Variants in PIWIL4 observed in about 807,000 individuals in gnomAD.
PIWIL4 encodes piwi like RNA-mediated gene silencing 4, also known as piwi-like protein 4.
PIWIL4 carries 50 observed loss-of-function variants against 100.9 expected under a neutral mutation model. That is an observed-to-expected ratio of 0.50 (90% CI 0.39 to 0.63). The LOEUF (loss-of-function observed/expected upper bound fraction) is 0.63, where lower values mean the gene tolerates loss of function less well. Ranked by LOEUF, PIWIL4 falls within the 20% of genes least tolerant of loss-of-function variation. The pLI, the probability that PIWIL4 is intolerant of heterozygous loss-of-function variation, is 0.00. For synonymous variants in PIWIL4, 342 were observed against 367.5 expected, an observed-to-expected ratio of 0.93 and a Z score of 0.79; for missense variants, 887 against 1,043.3, an observed-to-expected ratio of 0.85 and a Z score of 2.06.
chr11:94,590,326 C>T (rs1948466685), intron 8 of PIWIL4, among the ~76,000 whole-genome samples: 1 of 152,186 alleles, frequency 6.6e-6, no homozygotes, highest in Non-Finnish European at 1.5e-5. Flanking sequence ...CCGGCTGGAA[C>T]TGATCTCTTC....
At chr11:94,617,835 G>A (rs1230257104) in intron 16 of PIWIL4, 119 bp from the exon 17 acceptor site, 1 of 1,019,712 alleles carries the variant, frequency 9.8e-7, no homozygotes, top group South Asian at 1.4e-5. Context: ...ATTATGTATT[G>A]CCCTATTTTA....
chr11:94,597,659 C>T (rs2135276515), intron 10 of PIWIL4, 145 bp from the exon 11 acceptor site: 3 of 588,776 alleles, frequency 5.1e-6, no homozygotes, highest in East Asian at 2.9e-5. Context: ...GCACAGTTGT[C>T]CCGTAATTCT....
chr11:94,601,144 T>C (rs1290312771), intron 11 of PIWIL4, among the ~76,000 whole-genome samples: 1 of 151,680 alleles, frequency 6.6e-6, no homozygotes, highest in Non-Finnish European at 1.5e-5. Flanking sequence ...AGGTATTGAT[T>C]GAGGAAGTGA....
intron 8 of PIWIL4, among the ~76,000 whole-genome samples, chr11:94,589,861 G>A (rs989973490): frequency 6.6e-6 from 1 of 152,030 alleles, no homozygotes; most frequent in African/African-American, 2.4e-5. Flanking sequence ...ATTGAGCTCT[G>A]GGGAGGGGGC....
At position 94,596,635 on chromosome 11, in the gene PIWIL4, G is replaced by A. The variant is rs1948562552; in HGVS notation, c.1269-1169G>A. ...ATACTTTACGTCATTTACCCTGGAC[G>A]TCCCTCAGACTTATGCCGAATTGAG... On this transcript the variant is annotated intron_variant, in intron 10 of 19. Transcript: ENST00000299001. 2.0e-5 allele frequency among the ~76,000 whole-genome samples: 3 copies of A among 151,976 alleles called. 1 individual carries two copies. The highest frequency in any genetic ancestry group is 4.4e-5 in the Non-Finnish European group (3 of 68,028).
chr11:94,586,646 C>T (rs1435473145), intron 6 of PIWIL4, among the ~76,000 whole-genome samples: 5 of 150,904 alleles, frequency 3.3e-5, no homozygotes, highest in Non-Finnish European at 7.4e-5. Flanking sequence ...AGGGACATTT[C>T]CCCCCCCTCT....
intron 11 of PIWIL4, among the ~76,000 whole-genome samples, chr11:94,600,935 C>T (rs926417807): frequency 6.6e-6 from 1 of 151,776 alleles, no homozygotes; most frequent in Non-Finnish European, 1.5e-5. Context: ...TTAAGATTAT[C>T]TCTCTTTTTC....
At chr11:94,582,717 A>T (rs1948338975) in intron 4 of PIWIL4, among the ~76,000 whole-genome samples, 2 of 152,220 alleles carry the variant, frequency 1.3e-5, no homozygotes, top group African/African-American at 4.8e-5. Context: ...TTATATTGCT[A>T]GAACATTGTT....
At chr11:94,567,670 G>T in intron 1 of PIWIL4, 65 bp downstream of exon 1, 1 of 1,453,960 alleles carries the variant, frequency 6.9e-7, no homozygotes. Flanking sequence ...CCTGAACAAT[G>T]CCTTCCTCTG....
intron 17 of PIWIL4, among the ~76,000 whole-genome samples, chr11:94,619,508 G>T (rs1410687840): frequency 3.3e-5 from 5 of 152,092 alleles, no homozygotes; most frequent in African/African-American, 1.2e-4. Flanking sequence ...ATTCCTTCCT[G>T]CCCCCTTTGA....
chr11:94,617,877 A>T (rs763992873), intron 16 of PIWIL4, 77 bp from the exon 17 acceptor site: 283 of 1,492,954 alleles, frequency 1.9e-4, no homozygotes, highest in Non-Finnish European at 2.6e-4. Flanking sequence ...CCATTTAAAC[A>T]CTGCAATATA....
intron 15 of PIWIL4, 98 bp from the exon 16 acceptor site, chr11:94,616,395 T>A: frequency 9.2e-7 from 1 of 1,090,960 alleles, no homozygotes; most frequent in Non-Finnish European, 1.3e-6. Context: ...AACATTGATT[T>A]TTACTCATAA....
In PIWIL4 at chr11:94,593,639, C is replaced by T. The variant is rs1948516439; in HGVS notation, c.1148C>T (p.Thr383Ile). The T allele has an allele frequency of 6.2e-7, 1 of 1,613,688 alleles. No homozygotes were observed. The highest frequency in any genetic ancestry group is 1.3e-5 in the African/African-American group (1 of 75,034). The change falls in exon 9 of 20, where the codon ACA becomes ATA. Residue 383 changes from threonine to isoleucine, a missense_variant and splice_region_variant. This residue lies in a region of PIWIL4 where 741 missense variants were observed against 930.0 expected (regional missense o/e 0.80). Transcript: ENST00000299001. ...AHLIPELCFL[T>I]GLTDQATSDF... ...CTGATACCTGAGCTCTGCTTTCTAA[C>T]AGGTAATGTTTGTGTTTTATACCTC...
chr11:94,569,070 A>C (rs2135229684), intron 2 of PIWIL4, among the ~76,000 whole-genome samples: 1 of 152,336 alleles, frequency 6.6e-6, no homozygotes, highest in Middle Eastern at 3.4e-3. Flanking sequence ...ATTTTGAAAA[A>C]ATGCTTTAAA....
intron 5 of PIWIL4, among the ~76,000 whole-genome samples, chr11:94,585,058 T>C (rs1412087755): frequency 6.6e-6 from 1 of 151,862 alleles, no homozygotes. Context: ...AGAGCGAAAC[T>C]CCATTTCAAA....
At chr11:94,598,325 CT>C (rs1379752083) in intron 11 of PIWIL4, among the ~76,000 whole-genome samples, 1 of 152,154 alleles carries the variant, frequency 6.6e-6, no homozygotes, top group Non-Finnish European at 1.5e-5. Context: ...TTTGCAATGA[CT>C]TTTAGTTGCC....
Position 94,619,897 on chromosome 11 carries a change from T to C in PIWIL4, c.2294+12T>C. On this transcript the variant is annotated intron_variant, in intron 18 of 19. Transcript: ENST00000299001. Reference sequence around the variant, plus strand: ...ACACGTAACGAATGGCAAGTGCCGCTGGAAAATCAATTTTTAACAAAACAT... The same window carrying C: ...ACACGTAACGAATGGCAAGTGCCGCCGGAAAATCAATTTTTAACAAAACAT... 6.2e-7 allele frequency: 1 copy of C among 1,614,196 alleles called. No homozygotes were observed. Among genetic ancestry groups the C allele is most frequent in the Non-Finnish European group, 8.5e-7 (1 of 1,180,034 alleles).
rs117702118 is a variant in PIWIL4, at chr11:94,584,741, G to A, written c.636-704G>A. 6.4e-3 allele frequency among the ~76,000 whole-genome samples: 971 copies of A among 152,274 alleles called. 6 individuals are homozygous for A. Among genetic ancestry groups the A allele is most frequent in the Non-Finnish European group, 9.8e-3 (664 of 68,016 alleles). On this transcript the variant is annotated intron_variant, in intron 5 of 19. Coordinates refer to ENST00000299001, the MANE Select transcript of PIWIL4 (RefSeq NM_152431.3). ...AAGACACAGTCTTGGTCATTTGGCA[G>A]TACCTGGGGAGCCTGAGCAGCCTCA...
chr11:94,577,477 A>G lies in PIWIL4; in HGVS notation c.498A>G (p.Gln166=). The G allele has an allele frequency of 6.2e-7, 1 of 1,613,176 alleles. No homozygotes were observed. The highest frequency in any genetic ancestry group is 8.5e-7 in the Non-Finnish European group (1 of 1,179,474). ...ACGGTGCCATCCTTTTTCTGTCACA[A>G]AAGCTAGAAGAAAAGGTATAGTATG... ...AFDGAILFLS[Q]KLEEKVTELS... The change falls in exon 4 of 20, where the codon CAA becomes CAG. Residue 166 remains glutamine, a synonymous_variant. Coordinates refer to ENST00000299001, the MANE Select transcript of PIWIL4 (RefSeq NM_152431.3).
Sources: allele counts gnomAD v4.1 joint callset (sites outside exome capture counted in the v4.1 genomes callset), GRCh38; gene constraint gnomAD v4.1.1; regional missense constraint gnomAD v4.1.1; transcripts MANE v1.5; gene names NCBI Gene and HGNC (gene_info 2026-07-23, HGNC 2026-07-21).